The following MLLT3 variants were observed in gnomAD, a reference collection of about 807,000 sequenced individuals.
The protein encoded by MLLT3 is MLLT3 super elongation complex subunit.
MLLT3 carries 4 observed loss-of-function variants against 53.2 expected under a neutral mutation model. That is an observed-to-expected ratio of 0.08 (90% confidence interval 0.04 to 0.17). The LOEUF (loss-of-function observed/expected upper bound fraction) is 0.17. MLLT3 is among the 10% of genes least tolerant of loss of function. The pLI is 1.00. For synonymous variants in MLLT3, 283 were observed against 230.6 expected, an observed-to-expected ratio of 1.23 and a Z score of -2.06; for missense variants, 569 against 684.0, an observed-to-expected ratio of 0.83 and a Z score of 1.87.
At chr9:20,494,501 C>A (rs1156458452) in intron 2 of MLLT3, among the ~76,000 whole-genome samples, 1 of 152,064 alleles carries the variant, frequency 6.6e-6, no homozygotes, top group African/African-American at 2.4e-5. Flanking sequence ...AATATTTTTT[C>A]CTAACCTCAA....
intron 2 of MLLT3, among the ~76,000 whole-genome samples, chr9:20,540,193 C>T (rs1032179952): frequency 1.3e-5 from 2 of 152,228 alleles, no homozygotes; most frequent in African/African-American, 2.4e-5. Context: ...CTTTCACGGG[C>T]TGGTGTTGAG....
rs1413865373 is a variant in MLLT3 at position 20,448,224 on chromosome 9, G to T, written c.319C>A (p.His107Asn). 13 of 1,613,528 alleles carry T rather than the reference G, an allele frequency of 8.1e-6. No homozygotes were observed. Among genetic ancestry groups the T allele is most frequent in the Admixed American group, 5.0e-5 (3 of 59,962 alleles). Reference protein sequence around the residue: ...KVRFDYDLFLHLEGHPPVNHL... With the variant: ...KVRFDYDLFLNLEGHPPVNHL... ...TTCACTGGTGGATGGCCTTCAAGAT[G>T]CAGGAATAAGTCATAATCAAAGCGG... Residue 107 changes from histidine (H) to asparagine (N), a missense_variant, in exon 4 of 11, where the codon CAT (histidine) becomes AAT (asparagine). Coordinates refer to ENST00000380338, the MANE Select transcript of MLLT3 (RefSeq NM_004529.4). This position sits in a 1 kb window ranked among gnomAD's most constrained non-coding sequence, Gnocchi z 4.0.
chr9:20,598,921 G>A (rs978468035), intron 2 of MLLT3, among the ~76,000 whole-genome samples: 1 of 152,044 alleles, frequency 6.6e-6, no homozygotes, highest in Non-Finnish European at 1.5e-5. Context: ...GTTAAGAAAG[G>A]GAAACAAAAA....
At chr9:20,369,759 A>G (rs1821547667) in intron 5 of MLLT3, among the ~76,000 whole-genome samples, 1 of 152,164 alleles carries the variant, frequency 6.6e-6, no homozygotes, top group African/African-American at 2.4e-5. Context: ...CTCTACACAC[A>G]CAAAAAAATC....
intron 2 of MLLT3, among the ~76,000 whole-genome samples, chr9:20,540,658 CT>C (rs1818607488): frequency 6.6e-6 from 1 of 152,232 alleles, no homozygotes; most frequent in African/African-American, 2.4e-5. Context: ...GGCCTGGCCC[CT>C]GAAACCATTT....
At chr9:20,479,868 A>G (rs1203478233) in intron 2 of MLLT3, among the ~76,000 whole-genome samples, 3 of 152,356 alleles carry the variant, frequency 2.0e-5, no homozygotes, top group East Asian at 1.9e-4. Context: ...CTTATTTTCC[A>G]TAACTCATAA....
At chr9:20,603,443 T>A (rs1820485983) in intron 2 of MLLT3, among the ~76,000 whole-genome samples, 1 of 152,076 alleles carries the variant, frequency 6.6e-6, no homozygotes, top group Non-Finnish European at 1.5e-5. Context: ...TCCTCTGAAT[T>A]TTGTTAACTA....
chr9:20,501,607 C>T (rs182915132), intron 2 of MLLT3, among the ~76,000 whole-genome samples: 2,557 of 151,894 alleles, frequency 0.017, 40 homozygotes, highest in Middle Eastern at 0.048. Flanking sequence ...AAAAATTAGC[C>T]GGGCGCGGTG....
rs1338349950 is a variant in MLLT3 at position 20,448,404 on chromosome 9, A to G, written c.277-138T>C. The G allele has an allele frequency of 3.2e-6, 2 of 632,372 alleles. No individual in the cohort carries two copies. The highest frequency in any genetic ancestry group is 1.9e-5 in the African/African-American group (1 of 53,412). 39.2% of individuals were successfully genotyped at this position (632,372 alleles called of 1,614,324 possible). A position where few individuals can be genotyped will look rare whatever the true frequency, so the allele number is the denominator to read the frequency against. On this transcript the variant is annotated intron_variant, in intron 3 of 10. Coordinates refer to ENST00000380338, the MANE Select transcript of MLLT3 (RefSeq NM_004529.4). The surrounding 1 kb of genome is among the most constrained non-coding windows in gnomAD (Gnocchi z 4.0). The stretch of plus-strand genomic sequence containing the variant: ...CTAAACTGTCAAAGTAGTACTGGGA[A>G]AAAAAAAAGTATCATGGAATCATCA...
intron 2 of MLLT3, among the ~76,000 whole-genome samples, chr9:20,567,377 T>C (rs1440714700): frequency 6.7e-6 from 1 of 149,398 alleles, no homozygotes; most frequent in Middle Eastern, 3.2e-3. Flanking sequence ...GAAGTATAAA[T>C]TCTTTAACTT....
At chr9:20,536,617 G>A (rs1050897295) in intron 2 of MLLT3, among the ~76,000 whole-genome samples, 2 of 152,186 alleles carry the variant, frequency 1.3e-5, no homozygotes, top group African/African-American at 4.8e-5. Flanking sequence ...AGGGAAAATA[G>A]TAACATAGGT....
intron 4 of MLLT3, among the ~76,000 whole-genome samples, chr9:20,434,325 A>C (rs1319108925): frequency 6.6e-6 from 1 of 151,590 alleles, no homozygotes; most frequent in Non-Finnish European, 1.5e-5. Flanking sequence ...AATATTGGCA[A>C]CTTACTCTCA....
At chr9:20,516,155 G>A (rs937345965) in intron 2 of MLLT3, among the ~76,000 whole-genome samples, 5 of 152,110 alleles carry the variant, frequency 3.3e-5, no homozygotes, top group African/African-American at 1.2e-4. Context: ...ACTCCGCTAA[G>A]GACTCACCAA....
At chr9:20,416,540 G>A (rs760016028) in intron 4 of MLLT3, among the ~76,000 whole-genome samples, 1 of 152,024 alleles carries the variant, frequency 6.6e-6, no homozygotes, top group Non-Finnish European at 1.5e-5. Context: ...ATCTGACACA[G>A]CTTCTTGTGT....
intron 2 of MLLT3, among the ~76,000 whole-genome samples, chr9:20,463,352 G>C (rs1359567093): frequency 1.3e-5 from 2 of 152,074 alleles, no homozygotes; most frequent in Non-Finnish European, 2.9e-5. Context: ...AGTCATTAGA[G>C]TTAGCAAAGC....
intron 2 of MLLT3, among the ~76,000 whole-genome samples, chr9:20,480,653 T>C (rs1218614505): frequency 6.6e-6 from 1 of 152,190 alleles, no homozygotes; most frequent in East Asian, 1.9e-4. Flanking sequence ...AAGACAAAAG[T>C]ATGCTTCTGT....
At chr9:20,464,753 C>T (rs1334182320) in intron 2 of MLLT3, among the ~76,000 whole-genome samples, 1 of 152,004 alleles carries the variant, frequency 6.6e-6, no homozygotes, top group Non-Finnish European at 1.5e-5. Flanking sequence ...TAAAGCCTGT[C>T]CTTATATTCA....
chr9:20,549,894 T>C (rs1283426874), intron 2 of MLLT3, among the ~76,000 whole-genome samples: 1 of 152,210 alleles, frequency 6.6e-6, no homozygotes, highest in African/African-American at 2.4e-5. Context: ...AGTTCCAAAA[T>C]GGAGTCAATC....
chr9:20,420,221 T>A (rs971269997), intron 4 of MLLT3, among the ~76,000 whole-genome samples: 3 of 151,998 alleles, frequency 2.0e-5, no homozygotes, highest in Non-Finnish European at 4.4e-5. Flanking sequence ...CAAATATGAA[T>A]AATGAACAAG....
Sources: gnomAD v4.1 joint callset for allele counts (sites outside exome capture counted in the v4.1 genomes callset) on GRCh38, gnomAD v4.1.1 for gene constraint, Gnocchi (gnomAD v3.1) non-coding constraint, MANE v1.5 for transcripts, NCBI Gene and HGNC (gene_info 2026-07-23, HGNC 2026-07-21) for gene names.